Variants in SYT2 observed in about 807,000 individuals in gnomAD.
SYT2 encodes the protein synaptotagmin-2.
A neutral mutation model predicts 39.9 loss-of-function variants in SYT2; 15 were observed. The observed-to-expected ratio is 0.38, with a 90% CI of 0.25 to 0.58. SYT2 has a LOEUF of 0.58. SYT2 is among the 20% of genes least tolerant of loss of function. The probability of loss-of-function intolerance (pLI) is 0.70; values close to 1 mark genes in which losing one functional copy is unlikely to be tolerated. For missense variants in SYT2, 389 were observed against 530.3 expected (o/e 0.73, Z 2.62); for synonymous variants, 181 against 204.5 (o/e 0.89, Z 0.98).
At chr1:202,643,178 C>T (rs924636270) in intron 1 of SYT2, 2 of 152,404 alleles carry the variant, frequency 1.3e-5, no homozygotes, top group African/African-American at 4.8e-5. Context: ...CGTCCGCCCA[C>T]GCCTCAGGCC....
At chr1:202,691,469 T>C (rs1653814311) in intron 1 of SYT2, among the ~76,000 whole-genome samples, 1 of 151,754 alleles carries the variant, frequency 6.6e-6, no homozygotes, top group African/African-American at 2.4e-5. Context: ...GGCAACACAG[T>C]GAGAGCCCGT....
At chr1:202,688,902 G>A (rs1169564085) in intron 1 of SYT2, among the ~76,000 whole-genome samples, 2 of 152,166 alleles carry the variant, frequency 1.3e-5, no homozygotes, top group Non-Finnish European at 2.9e-5. Context: ...GAGTCACAAA[G>A]ACAGTGTGGT....
intron 1 of SYT2, among the ~76,000 whole-genome samples, chr1:202,652,328 G>T (rs536549716): frequency 6.6e-6 from 1 of 152,328 alleles, no homozygotes; most frequent in Non-Finnish European, 1.5e-5. Context: ...GCATGGATCT[G>T]GGTTGGGGGT....
At chr1:202,619,744 G>A (rs1322079574) in intron 1 of SYT2, among the ~76,000 whole-genome samples, 1 of 152,214 alleles carries the variant, frequency 6.6e-6, no homozygotes, top group East Asian at 1.9e-4. Flanking sequence ...CCGGTTGCTG[G>A]AAGTAAAATA....
At chr1:202,656,758 C>T (rs1368713913) in intron 1 of SYT2, among the ~76,000 whole-genome samples, 1 of 152,224 alleles carries the variant, frequency 6.6e-6, no homozygotes, top group Non-Finnish European at 1.5e-5. Flanking sequence ...CTGCTTCATG[C>T]AGGAATTCCC....
chr1:202,604,602 G>T lies in SYT2; in HGVS notation c.198C>A (p.Ile66=). Residue 66 remains isoleucine (I), a synonymous_variant, in exon 3 of 9, where the codon ATC becomes ATA. Transcript: ENST00000367268. ...GGAGCCCAGCAACCACAGCAATGGCGATCAGTGCCCAGGGTGGTACTGCCC... is the reference window on the plus strand; with the variant it reads ...GGAGCCCAGCAACCACAGCAATGGCTATCAGTGCCCAGGGTGGTACTGCCC... The part of the protein sequence containing the change: ...NKIPLPPWAL[I]AIAVVAGLLL... 2 of 1,614,098 alleles carry T rather than the reference G, an allele frequency of 1.2e-6. No individual in the cohort carries two copies. Among genetic ancestry groups the T allele is most frequent in the Non-Finnish European group, 1.7e-6 (2 of 1,180,002 alleles).
chr1:202,667,483 GTGT>G (rs1692501899), intron 1 of SYT2, among the ~76,000 whole-genome samples: 2 of 125,822 alleles, frequency 1.6e-5, no homozygotes, highest in Non-Finnish European at 3.5e-5. Flanking sequence ...GTGTGTGTGT[GTGT>G]GTGTGTGTGT....
Position 202,604,488 on chromosome 1 carries a change from A to G in SYT2, c.312T>C (p.Asn104=). 6.2e-7 allele frequency: 1 copy of G among 1,614,124 alleles called. No homozygotes were observed. The highest frequency in any genetic ancestry group is 8.5e-7 in the Non-Finnish European group (1 of 1,180,028). Residue 104 remains asparagine, a synonymous_variant, in exon 3 of 9, where the codon AAT becomes AAC. Transcript: ENST00000367268. Reference sequence around the variant, plus strand: ...CTTTCATGTCCTTCATGTTCATGGCATTCTTCATGCCTTTGCCCTTCTCCT... The same window carrying G: ...CTTTCATGTCCTTCATGTTCATGGCGTTCTTCATGCCTTTGCCCTTCTCCT... ...NKKEKGKGMK[N]AMNMKDMKGG...
intron 1 of SYT2, among the ~76,000 whole-genome samples, chr1:202,606,864 T>G (rs1382860618): frequency 6.6e-6 from 1 of 152,192 alleles, no homozygotes; most frequent in Admixed American, 6.5e-5. Context: ...GAGTATGTTT[T>G]ACATGTTGAG....
chr1:202,621,843 A>C (rs933522781), intron 1 of SYT2, among the ~76,000 whole-genome samples: 2 of 152,178 alleles, frequency 1.3e-5, no homozygotes, highest in Non-Finnish European at 2.9e-5. Flanking sequence ...TGTGCCCCCA[A>C]ATGAGACTGC....
At chr1:202,706,436 G>T (rs955934683) in intron 1 of SYT2, among the ~76,000 whole-genome samples, 1 of 152,036 alleles carries the variant, frequency 6.6e-6, no homozygotes, top group Non-Finnish European at 1.5e-5. Flanking sequence ...CTCCTCCCGC[G>T]CCAGGCACTG....
In SYT2 at chr1:202,669,694, G is replaced by T. The variant is rs142066468; in HGVS notation, c.-18+40564C>A. Among the ~76,000 whole-genome samples, 423 of 151,070 alleles carry T rather than the reference G, an allele frequency of 2.8e-3. 3 individuals are homozygous for T. The highest frequency in any genetic ancestry group is 9.9e-3 in the African/African-American group (407 of 41,068). ...GATCACTTGAGCCCAGGAGGTCAACGCTGCAGTGAGGCATGATCATACCAC... is the reference window on the plus strand; with the variant it reads ...GATCACTTGAGCCCAGGAGGTCAACTCTGCAGTGAGGCATGATCATACCAC... On this transcript the variant is annotated intron_variant, in intron 1 of 8. Transcript: ENST00000367268.
chr1:202,591,672 G>A lies in SYT2; in HGVS notation c.*5085C>T, dbSNP rs553226511. The stretch of plus-strand genomic sequence containing the variant: ...CTGCAGGAGGATGCACGAGGGAAGA[G>A]CGTCAGCCCCTGTATTCACCGGCCT... On this transcript the variant is annotated 3_prime_UTR_variant, in exon 9 of 9. Coordinates refer to ENST00000367268, the MANE Select transcript of SYT2 (RefSeq NM_177402.5). 2.6e-5 allele frequency: 4 copies of A among 152,906 alleles called. No individual in the cohort carries two copies. In the East Asian group the frequency reaches 7.7e-4, roughly 30 times the overall value. The allele number at this position is 152,906 out of a possible 1,614,324, so 9.5% of individuals were successfully genotyped here.
chr1:202,694,693 G>A (rs955565025), intron 1 of SYT2, among the ~76,000 whole-genome samples: 1 of 151,738 alleles, frequency 6.6e-6, no homozygotes, highest in Admixed American at 6.6e-5. Context: ...CCACCTCCTC[G>A]TCCTTTCCCT....
intron 1 of SYT2, among the ~76,000 whole-genome samples, chr1:202,656,810 C>T (rs1036851024): frequency 2.0e-5 from 3 of 152,218 alleles, no homozygotes; most frequent in Non-Finnish European, 4.4e-5. Context: ...AGGCAACCCA[C>T]CACATTATGC....
At chr1:202,670,362 C>A (rs1002754435) in intron 1 of SYT2, among the ~76,000 whole-genome samples, 1 of 152,182 alleles carries the variant, frequency 6.6e-6, no homozygotes, top group African/African-American at 2.4e-5. Flanking sequence ...AACCCTTTAA[C>A]CCCTGCATTG....
intron 1 of SYT2, among the ~76,000 whole-genome samples, chr1:202,618,370 T>C (rs1691107227): frequency 6.7e-6 from 1 of 149,776 alleles, no homozygotes; most frequent in Non-Finnish European, 1.5e-5. Context: ...CACCCAAGCA[T>C]AGATTGGGAA....
chr1:202,637,541 G>A (rs1410427390), intron 1 of SYT2, among the ~76,000 whole-genome samples: 2 of 152,250 alleles, frequency 1.3e-5, no homozygotes, highest in Non-Finnish European at 2.9e-5. Flanking sequence ...CTGAGCAGCC[G>A]GCTGCCCTCA....
intron 1 of SYT2, among the ~76,000 whole-genome samples, chr1:202,708,220 C>T (rs919924010): frequency 3.3e-5 from 5 of 152,060 alleles, no homozygotes; most frequent in Admixed American, 2.0e-4. Flanking sequence ...AATGTTCCTG[C>T]ATAATCACCC....
Sources: gnomAD v4.1 joint callset for allele counts (sites outside exome capture counted in the v4.1 genomes callset) on GRCh38, gnomAD v4.1.1 for gene constraint, MANE v1.5 for transcripts, NCBI Gene and HGNC (gene_info 2026-07-23, HGNC 2026-07-21) for gene names.